Variants in GRIK1 observed in about 807,000 individuals in gnomAD.
GRIK1 encodes the protein glutamate receptor ionotropic, kainate 1.
GRIK1 carries 69 observed loss-of-function variants against 105.7 expected under a neutral mutation model. That is an observed-to-expected ratio of 0.65 (90% CI 0.54 to 0.80). GRIK1 has a LOEUF of 0.80. GRIK1 is among the 30% of genes least tolerant of loss of function. The probability of loss-of-function intolerance (pLI) is 0.00; values close to 1 mark genes in which losing one functional copy is unlikely to be tolerated. For missense variants in GRIK1, 1,109 were observed against 1,167.3 expected, an observed-to-expected ratio of 0.95 and a Z score of 0.73; for synonymous variants, 438 against 431.3, an observed-to-expected ratio of 1.02 and a Z score of -0.19.
intron 4 of GRIK1, among the ~76,000 whole-genome samples, chr21:29,655,643 G>A (rs1350918534): frequency 6.6e-6 from 1 of 152,134 alleles, no homozygotes; most frequent in Non-Finnish European, 1.5e-5. Context: ...GAAGGTTTAT[G>A]AATGAGTATA....
intron 1 of GRIK1, among the ~76,000 whole-genome samples, chr21:29,891,482 A>G (rs2146221714): frequency 6.6e-6 from 1 of 152,326 alleles, no homozygotes; most frequent in South Asian, 2.1e-4. Context: ...CATCTAGAAA[A>G]TGGTTATGTC....
intron 1 of GRIK1, among the ~76,000 whole-genome samples, chr21:29,847,322 G>A (rs2068153625): frequency 6.6e-6 from 1 of 152,182 alleles, no homozygotes; most frequent in African/African-American, 2.4e-5. Context: ...GTGGCCAGGA[G>A]CAGTGGCTCA....
intron 9 of GRIK1, among the ~76,000 whole-genome samples, chr21:29,593,639 A>G (rs1265162336): frequency 6.6e-6 from 1 of 152,202 alleles, no homozygotes; most frequent in East Asian, 1.9e-4. Flanking sequence ...GGAGAAGGGA[A>G]TCTAATTTTT....
intron 1 of GRIK1, among the ~76,000 whole-genome samples, chr21:29,936,638 C>T (rs1171995138): frequency 6.6e-6 from 1 of 152,218 alleles, no homozygotes; most frequent in Non-Finnish European, 1.5e-5. Context: ...ATCCTACCGA[C>T]CTTCTCTGTC....
intron 13 of GRIK1, 125 bp from the exon 14 acceptor site, chr21:29,577,306 T>C: frequency 1.7e-6 from 1 of 573,388 alleles, no homozygotes. Flanking sequence ...GTAGATGAAA[T>C]AAATGCATTT....
chr21:29,588,640 C>T (rs2061283223), intron 11 of GRIK1, among the ~76,000 whole-genome samples, 199 bp downstream of exon 11: 1 of 152,246 alleles, frequency 6.6e-6, no homozygotes, highest in East Asian at 1.9e-4. Context: ...CAAACTAATG[C>T]ACCATATATT....
At chr21:29,761,892 G>A (rs2065534222) in intron 1 of GRIK1, among the ~76,000 whole-genome samples, 1 of 151,850 alleles carries the variant, frequency 6.6e-6, no homozygotes, top group African/African-American at 2.4e-5. Flanking sequence ...GATTACAGGT[G>A]CCCACTACCA....
intron 7 of GRIK1, among the ~76,000 whole-genome samples, chr21:29,639,650 G>A (rs1054246187): frequency 6.6e-6 from 1 of 152,136 alleles, no homozygotes; most frequent in African/African-American, 2.4e-5. Flanking sequence ...TTTATCCTGA[G>A]GTATAAGAAA....
At chr21:29,676,421 A>G (rs550704088) in intron 3 of GRIK1, among the ~76,000 whole-genome samples, 9 of 152,350 alleles carry the variant, frequency 5.9e-5, no homozygotes, top group Middle Eastern at 6.8e-3. Flanking sequence ...AGCACAGTAG[A>G]CAAAATTTAG....
intron 14 of GRIK1, among the ~76,000 whole-genome samples, chr21:29,571,467 T>C (rs1263067841): frequency 2.0e-5 from 3 of 152,228 alleles, no homozygotes; most frequent in Non-Finnish European, 4.4e-5. Flanking sequence ...TTTGGTTTTC[T>C]TCTTGTTGAG....
intron 16 of GRIK1, chr21:29,553,421 GA>G (rs2090170343): frequency 7.3e-7 from 1 of 1,373,570 alleles, no homozygotes; most frequent in Non-Finnish European, 9.4e-7. Context: ...TCAATGTCTA[GA>G]ATACATGAGT....
At position 29,888,197 on chromosome 21, in the gene GRIK1, C is replaced by CTTTCTTTCTTTCTT. The variant is rs59241719; in HGVS notation, c.118+51185_118+51186insAAGAAAGAAAGAAA. ...TCTTTCTTTCTTCCTTTCTTTCTTT[C>CTTTCTTTCTTTCTT]TCTCTCTCTCTCTCTCTCTCTCTCT... On this transcript the variant is annotated intron_variant, in intron 1 of 17. Coordinates refer to ENST00000327783, the MANE Select transcript of GRIK1 (RefSeq NM_001330994.2). 2.5e-3 allele frequency among the ~76,000 whole-genome samples: 56 copies of CTTTCTTTCTTTCTT among 22,338 alleles called. 8 individuals carry two copies. The highest frequency in any genetic ancestry group is 3.9e-3 in the African/African-American group (40 of 10,278). 14.7% of individuals were successfully genotyped at this position (22,338 alleles called of 152,430 possible). A position where few individuals can be genotyped will look rare whatever the true frequency, so the allele number is the denominator to read the frequency against.
At chr21:29,769,383 C>A (rs1319692596) in intron 1 of GRIK1, among the ~76,000 whole-genome samples, 4 of 152,064 alleles carry the variant, frequency 2.6e-5, no homozygotes, top group African/African-American at 4.8e-5. Context: ...CAGTCCCCAA[C>A]CTTTTTGGCA....
intron 1 of GRIK1, among the ~76,000 whole-genome samples, chr21:29,799,894 A>G (rs2066657180): frequency 6.6e-6 from 1 of 152,206 alleles, no homozygotes; most frequent in South Asian, 2.1e-4. Context: ...GTATTACTAA[A>G]GAGGTCATTT....
At chr21:29,693,092 A>T (rs1331486782) in intron 2 of GRIK1, among the ~76,000 whole-genome samples, 2 of 152,186 alleles carry the variant, frequency 1.3e-5, no homozygotes, top group Non-Finnish European at 2.9e-5. Context: ...GTAGGCAAGG[A>T]TTCCTCTCTG....
At chr21:29,814,551 G>T (rs1408658746) in intron 1 of GRIK1, among the ~76,000 whole-genome samples, 1 of 152,020 alleles carries the variant, frequency 6.6e-6, no homozygotes, top group East Asian at 1.9e-4. Flanking sequence ...AGGAGATAAA[G>T]TTGTCAGAGA....
At chr21:29,680,323 T>TG (rs777960231) in intron 3 of GRIK1, among the ~76,000 whole-genome samples, 6 of 152,356 alleles carry the variant, frequency 3.9e-5, no homozygotes, top group Non-Finnish European at 8.8e-5. Flanking sequence ...AACTTTCAAA[T>TG]GGGGAACACA....
At chr21:29,545,536 C>T (rs1425543222) in intron 16 of GRIK1, among the ~76,000 whole-genome samples, 1 of 152,146 alleles carries the variant, frequency 6.6e-6, no homozygotes, top group Non-Finnish European at 1.5e-5. Flanking sequence ...AATAAACTTC[C>T]AAGAAATTCT....
intron 1 of GRIK1, among the ~76,000 whole-genome samples, chr21:29,827,019 T>A (rs191737242): frequency 6.6e-6 from 1 of 152,124 alleles, no homozygotes; most frequent in Non-Finnish European, 1.5e-5. Context: ...AAAAGCATGT[T>A]ATTGTGATAA....
Sources: gnomAD v4.1 joint callset for allele counts (sites outside exome capture counted in the v4.1 genomes callset) on GRCh38, gnomAD v4.1.1 for gene constraint, MANE v1.5 for transcripts, NCBI Gene and HGNC (gene_info 2026-07-23, HGNC 2026-07-21) for gene names.